RAP1A: variants seen among roughly 807,000 people sequenced by gnomAD.
RAP1A encodes RAP1A, member of RAS oncogene family.
In RAP1A, 6 loss-of-function variants were observed where a neutral mutation model predicts 26.4. That is an observed-to-expected ratio of 0.23 (90% CI 0.12 to 0.45). The LOEUF is 0.45. RAP1A is among the 20% of genes least tolerant of loss of function. RAP1A has a pLI of 0.99. For missense variants in RAP1A, 121 were observed against 217.2 expected, an observed-to-expected ratio of 0.56 and a Z score of 2.78; for synonymous variants, 73 against 79.4, an observed-to-expected ratio of 0.92 and a Z score of 0.43.
chr1:111,655,883 C>T (rs560031056), intron 1 of RAP1A, among the ~76,000 whole-genome samples: 83 of 151,540 alleles, frequency 5.5e-4, no homozygotes, highest in African/African-American at 1.8e-3. Context: ...TTAGTAGAGA[C>T]GGGGTTTCAC....
At chr1:111,665,536 T>G (rs887832399) in intron 1 of RAP1A, among the ~76,000 whole-genome samples, 5 of 152,216 alleles carry the variant, frequency 3.3e-5, no homozygotes, top group Non-Finnish European at 7.3e-5. Flanking sequence ...ACAAATTTTT[T>G]GTTTGTCTGC....
At chr1:111,647,676 T>C (rs996846467) in intron 1 of RAP1A, among the ~76,000 whole-genome samples, 1 of 152,188 alleles carries the variant, frequency 6.6e-6, no homozygotes, top group Non-Finnish European at 1.5e-5. Flanking sequence ...TGCTTCTTGC[T>C]ACTGTAAGGT....
At chr1:111,565,509 T>A (rs1217503593) in intron 1 of RAP1A, among the ~76,000 whole-genome samples, 1 of 152,222 alleles carries the variant, frequency 6.6e-6, no homozygotes, top group African/African-American at 2.4e-5. Flanking sequence ...TAGTAACATA[T>A]GGAGGGCACC....
chr1:111,552,960 A>G (rs1334642082), intron 1 of RAP1A, among the ~76,000 whole-genome samples: 1 of 152,222 alleles, frequency 6.6e-6, no homozygotes. Context: ...AAGATTATAT[A>G]CTCATCTCTA....
At chr1:111,638,314 C>T (rs1050734038) in intron 1 of RAP1A, among the ~76,000 whole-genome samples, 3 of 151,958 alleles carry the variant, frequency 2.0e-5, no homozygotes, top group South Asian at 2.1e-4. Flanking sequence ...TTTGTTTTTG[C>T]GTATGTCTTT....
intron 1 of RAP1A, among the ~76,000 whole-genome samples, chr1:111,591,743 T>C (rs1406955460): frequency 6.6e-6 from 1 of 152,234 alleles, no homozygotes; most frequent in African/African-American, 2.4e-5. Context: ...TATCTTTCTG[T>C]TCTGTCATCC....
chr1:111,649,513 T>G, intron 1 of RAP1A: 1 of 286,584 alleles, frequency 3.5e-6, no homozygotes, highest in Non-Finnish European at 7.0e-6. Context: ...GGACTGGTAG[T>G]TGGTGGATAA....
intron 1 of RAP1A, among the ~76,000 whole-genome samples, chr1:111,640,714 C>T (rs1007780511): frequency 2.0e-5 from 3 of 152,188 alleles, no homozygotes; most frequent in African/African-American, 7.2e-5. Flanking sequence ...AATCCCAGCA[C>T]TTTGGAAGGC....
At chr1:111,560,222 C>T (rs956783396) in intron 1 of RAP1A, among the ~76,000 whole-genome samples, 1 of 152,138 alleles carries the variant, frequency 6.6e-6, no homozygotes, top group Admixed American at 6.5e-5. Context: ...ACAAGCCCAA[C>T]CTCGTCTTAC....
intron 1 of RAP1A, chr1:111,599,507 A>C (rs1315523192): frequency 6.6e-6 from 1 of 152,218 alleles, no homozygotes; most frequent in Non-Finnish European, 1.5e-5. Flanking sequence ...GCCTGGCCAC[A>C]TGATTAATTA....
At position 111,575,814 on chromosome 1, in the gene RAP1A, G is replaced by C. The variant is rs1227416613; in HGVS notation, c.-28+33305G>C. 3.3e-5 allele frequency among the ~76,000 whole-genome samples: 5 copies of C among 152,132 alleles called. No individual in the cohort carries two copies. The East Asian group carries it at 9.6e-4, about 29-fold the overall frequency. ...TTCTGCTGTTTAAACCACTCAGCCT[G>C]GGGCATTTTGTTATAGCAGCCTTAT... is the stretch of plus-strand genomic sequence containing the variant. On this transcript the variant is annotated intron_variant, in intron 1 of 7. Transcript: ENST00000356415.
intron 1 of RAP1A, among the ~76,000 whole-genome samples, chr1:111,584,570 C>G (rs1658324365): frequency 6.6e-6 from 1 of 152,166 alleles, no homozygotes; most frequent in African/African-American, 2.4e-5. Context: ...GGTACCGCCT[C>G]TTAATACTAT....
chr1:111,579,642 T>A (rs1364555979), intron 1 of RAP1A, among the ~76,000 whole-genome samples: 1 of 152,046 alleles, frequency 6.6e-6, no homozygotes, highest in Admixed American at 6.6e-5. Context: ...ATCAACTAAG[T>A]CAAAAATGTA....
At chr1:111,651,916 A>G (rs1357442605) in intron 1 of RAP1A, among the ~76,000 whole-genome samples, 1 of 151,600 alleles carries the variant, frequency 6.6e-6, no homozygotes, top group African/African-American at 2.4e-5. Flanking sequence ...CCGGCTCCAA[A>G]TATATGTATT....
chr1:111,704,012 A>G (rs1662104024), intron 5 of RAP1A, among the ~76,000 whole-genome samples: 1 of 152,108 alleles, frequency 6.6e-6, no homozygotes, highest in African/African-American at 2.4e-5. Flanking sequence ...TATGTTACCC[A>G]GGCTTGTCTC....
upstream of RAP1A, among the ~76,000 whole-genome samples, chr1:111,619,350 T>C (rs2101085654): frequency 6.6e-6 from 1 of 152,298 alleles, no homozygotes; most frequent in East Asian, 1.9e-4. Flanking sequence ...CTACCTGCAA[T>C]TTTTGTCACT....
intron 1 of RAP1A, among the ~76,000 whole-genome samples, chr1:111,579,396 C>T (rs2101059686): frequency 6.6e-6 from 1 of 152,236 alleles, no homozygotes. Context: ...GGAAAAAAGA[C>T]CAAAGATATT....
At chr1:111,629,621 T>C (rs1406606984) in intron 1 of RAP1A, among the ~76,000 whole-genome samples, 2 of 152,218 alleles carry the variant, frequency 1.3e-5, no homozygotes, top group Non-Finnish European at 2.9e-5. Context: ...AAAGTACTTA[T>C]TATTTTTATT....
chr1:111,614,860 A>T (rs999349357), upstream of RAP1A, among the ~76,000 whole-genome samples: 4 of 152,210 alleles, frequency 2.6e-5, no homozygotes, highest in Non-Finnish European at 5.9e-5. Context: ...ACTTGCAAGG[A>T]ATAATATTTA....
Sources: allele counts gnomAD v4.1 joint callset (sites outside exome capture counted in the v4.1 genomes callset), GRCh38; gene constraint gnomAD v4.1.1; transcripts MANE v1.5; gene names NCBI Gene and HGNC (gene_info 2026-07-23, HGNC 2026-07-21).